Variants in PFKP observed in about 807,000 individuals in gnomAD.
PFKP encodes the protein phosphofructokinase, platelet, also known as ATP-dependent 6-phosphofructokinase, platelet type.
A neutral mutation model predicts 94.3 loss-of-function variants in PFKP; 101 were observed. The observed-to-expected ratio is 1.07, with a 90% CI of 0.91 to 1.26. The LOEUF (loss-of-function observed/expected upper bound fraction) is 1.26. Among genes scored for constraint, PFKP ranks in the 50% most tolerant of loss-of-function variants. PFKP has a pLI of 0.00. For synonymous variants in PFKP, 573 were observed against 432.6 expected (o/e 1.32, Z -4.03); for missense variants, 1,145 against 1,103.3 (o/e 1.04, Z -0.53).
At chr10:3,130,081 CATGGAG>C (rs1187855612) in intron 17 of PFKP, 98 bp downstream of exon 17, 1 of 1,078,166 alleles carries the variant, frequency 9.3e-7, no homozygotes, top group South Asian at 1.6e-5. Flanking sequence ...TTCCAAGGGG[CATGGAG>C]ATGGAGATGC....
intron 2 of PFKP, among the ~76,000 whole-genome samples, chr10:3,083,445 T>C (rs1306839411): frequency 6.6e-6 from 1 of 152,214 alleles, no homozygotes; most frequent in African/African-American, 2.4e-5. Flanking sequence ...GAAGGTATTT[T>C]TGTAAATCAC....
chr10:3,094,228 C>T (rs913583360), intron 2 of PFKP, among the ~76,000 whole-genome samples: 17 of 152,294 alleles, frequency 1.1e-4, no homozygotes, highest in South Asian at 2.1e-4. Flanking sequence ...CGACCGGCCT[C>T]GCTCCTGCTG....
intron 3 of PFKP, among the ~76,000 whole-genome samples, chr10:3,100,059 GTGTGT>G (rs1564296360): frequency 9.7e-5 from 13 of 134,286 alleles, no homozygotes; most frequent in Admixed American, 3.2e-4. Context: ...GGTGTGTGGT[GTGTGT>G]GTGTGTGTGT....
Position 3,103,811 on chromosome 10 carries a change from G to A in PFKP, c.487G>A (p.Ala163Thr), listed in dbSNP as rs775499457. ...CGATAAGGAGGCCGTGCAGAAGTAC[G>A]CCTACCTCAACGTGGTGGGCATGGT... is the stretch of plus-strand genomic sequence containing the variant. ...QIDKEAVQKY[A>T]YLNVVGMVGS... The change falls in exon 5 of 22, where the codon GCC becomes ACC. Residue 163 changes from alanine (A) to threonine (T), a missense_variant. Ala to Thr is a moderately conservative substitution (Grantham distance 58, BLOSUM62 0). This residue lies in a region of PFKP where 1,119 missense variants were observed against 1,062.8 expected (regional missense o/e 1.05). Coordinates refer to ENST00000381125, the MANE Select transcript of PFKP (RefSeq NM_002627.5). The A allele has an allele frequency of 2.0e-5, 32 of 1,613,824 alleles. No homozygotes were observed. Among genetic ancestry groups the A allele is most frequent in the African/African-American group, 1.2e-4 (9 of 74,930 alleles).
chr10:3,116,127 C>CTG (rs1176592793), intron 13 of PFKP, among the ~76,000 whole-genome samples: 1 of 141,808 alleles, frequency 7.1e-6, no homozygotes, highest in African/African-American at 2.7e-5. Context: ...TTATATGGTT[C>CTG]TGTCAAATAT....
rs768646678 is a variant in PFKP at position 3,119,875 on chromosome 10, C to G, written c.1531-17C>G. 1 of 1,613,786 alleles carries G rather than the reference C, an allele frequency of 6.2e-7. No individual in the cohort carries two copies. The highest frequency in any genetic ancestry group is 1.1e-5 in the South Asian group (1 of 91,028). ...CAGCTTCCCTCTCGCCCCACAACTCCCACGCTTGTCTGACAGGCCTACCTG... is the reference window on the plus strand; with the variant it reads ...CAGCTTCCCTCTCGCCCCACAACTCGCACGCTTGTCTGACAGGCCTACCTG... On this transcript the variant is annotated splice_polypyrimidine_tract_variant and intron_variant, in intron 15 of 21. Transcript: ENST00000381125.
At chr10:3,093,191 A>AT (rs35072017) in intron 2 of PFKP, among the ~76,000 whole-genome samples, 19,593 of 147,156 alleles carry the variant, frequency 0.13, 1,765 homozygotes, top group East Asian at 0.39. Flanking sequence ...ACTGTGTCTG[A>AT]TTTTTTTTTT....
rs1246109264 is a variant in PFKP at position 3,134,467 on chromosome 10, C to T, written c.2023-16C>T. 6.7e-7 allele frequency: 1 copy of T among 1,481,580 alleles called. No homozygotes were observed. Among genetic ancestry groups the T allele is most frequent in the Non-Finnish European group, 9.4e-7 (1 of 1,059,482 alleles). The allele number at this position is 1,481,580 out of a possible 1,614,324, so 91.8% of individuals were successfully genotyped here. The stretch of plus-strand genomic sequence containing the variant: ...ACTGTATAACTGGTATTTCATATAA[C>T]TCTAACCACCAACAGGGTGGGGCAC... On this transcript the variant is annotated splice_polypyrimidine_tract_variant and intron_variant, in intron 19 of 21. Coordinates refer to ENST00000381125, the MANE Select transcript of PFKP (RefSeq NM_002627.5).
intron 1 of PFKP, among the ~76,000 whole-genome samples, chr10:3,069,736 A>G (rs1398354014): frequency 6.6e-6 from 1 of 152,132 alleles, no homozygotes. Context: ...AAAGAAAGAA[A>G]AAAAATTAAG....
rs747886663 is a variant in PFKP, at chr10:3,129,876, G to A, written c.1741G>A (p.Glu581Lys). 40 of 1,613,600 alleles carry A rather than the reference G, an allele frequency of 2.5e-5. No homozygotes were observed. Among genetic ancestry groups the A allele is most frequent in the Non-Finnish European group, 2.7e-5 (32 of 1,179,990 alleles). The change falls in exon 17 of 22, where the codon GAG becomes AAG. Residue 581 changes from glutamate (E) to lysine (K), a missense_variant. Around this residue, in one of 3 missense-constraint regions of PFKP, gnomAD observed 1,119 missense variants for 1,062.8 expected, o/e 1.05. Coordinates refer to ENST00000381125, the MANE Select transcript of PFKP (RefSeq NM_002627.5). ...AACCAAGCGGCGCGTGTTCATCATC[G>A]AGACCATGGGCGGCTACTGTGGCTA... is the stretch of plus-strand genomic sequence containing the variant. ...SGTKRRVFIIETMGGYCGYLA... is the reference protein window; with the variant it reads ...SGTKRRVFIIKTMGGYCGYLA...
intron 1 of PFKP, among the ~76,000 whole-genome samples, chr10:3,076,561 G>A (rs556599580): frequency 3.6e-4 from 55 of 151,292 alleles, no homozygotes; most frequent in Non-Finnish European, 6.3e-4. Context: ...CCCCCACCCC[G>A]CTTGTTATTT....
At chr10:3,100,888 C>CGGGGCGGGGGGGGGGGGG in intron 3 of PFKP, 1 of 1,038,626 alleles carries the variant, frequency 9.6e-7, no homozygotes. Flanking sequence ...AAAAATCCCC[C>CGGGGCGGGGGGGGGGGGG]TGGCCCCAGG....
chr10:3,135,015 C>T (rs59001123), intron 20 of PFKP, among the ~76,000 whole-genome samples: 20,021 of 151,680 alleles, frequency 0.13, 1,343 homozygotes, highest in Non-Finnish European at 0.14. Context: ...ACTGCATGTT[C>T]GTAGAACTGT....
At chr10:3,093,962 A>G (rs554864103) in intron 2 of PFKP, among the ~76,000 whole-genome samples, 3 of 152,232 alleles carry the variant, frequency 2.0e-5, no homozygotes, top group Admixed American at 6.5e-5. Flanking sequence ...CTTTTATTAC[A>G]TGTTTATATG....
chr10:3,097,512 T>C (rs1055021964), intron 2 of PFKP, among the ~76,000 whole-genome samples: 25 of 152,218 alleles, frequency 1.6e-4, no homozygotes, highest in Middle Eastern at 6.8e-3. Context: ...GATGTTCTGC[T>C]GTTTTGCCAT....
intron 16 of PFKP, among the ~76,000 whole-genome samples, chr10:3,128,610 C>CACGCCTTGT (rs887814788): frequency 5.4e-5 from 8 of 149,164 alleles, no homozygotes; most frequent in East Asian, 3.9e-4. Context: ...GCGGGCCTTG[C>CACGCCTTGT]ACGCCTTGTA....
intron 2 of PFKP, 21 bp downstream of exon 2, chr10:3,082,482 C>T: frequency 6.3e-7 from 1 of 1,574,880 alleles, no homozygotes; most frequent in East Asian, 2.3e-5. Flanking sequence ...GCCCCTCACC[C>T]CCTGTCGCCC....
At chr10:3,116,947 G>C in intron 14 of PFKP, 101 bp downstream of exon 14, 1 of 924,820 alleles carries the variant, frequency 1.1e-6, no homozygotes, top group Non-Finnish European at 1.8e-6. Flanking sequence ...TGGATTCCTG[G>C]AAAGGCGTCC....
rs1277479771 is a variant in PFKP at position 3,132,366 on chromosome 10, A to G, written c.1849-14A>G. 1.3e-6 allele frequency: 2 copies of G among 1,595,736 alleles called. No homozygotes were observed. Among genetic ancestry groups the G allele is most frequent in the Non-Finnish European group, 1.7e-6 (2 of 1,163,362 alleles). On this transcript the variant is annotated splice_polypyrimidine_tract_variant and intron_variant, in intron 17 of 21. Coordinates refer to ENST00000381125, the MANE Select transcript of PFKP (RefSeq NM_002627.5). ...AGAAGTTTATTGTCTGATTAACAAA[A>G]TACTCTCTTCCAGTCCAACGTGGAG...
Sources: allele counts gnomAD v4.1 joint callset (sites outside exome capture counted in the v4.1 genomes callset), GRCh38; gene constraint gnomAD v4.1.1; regional missense constraint gnomAD v4.1.1; transcripts MANE v1.5; gene names NCBI Gene and HGNC (gene_info 2026-07-23, HGNC 2026-07-21).